WDPCP: variants seen among roughly 807,000 people sequenced by gnomAD.
WDPCP encodes WD repeat-containing and planar cell polarity effector protein fritz homolog.
A neutral mutation model predicts 93.1 loss-of-function variants in WDPCP; 71 were observed. That is an observed-to-expected ratio of 0.76 (90% CI 0.63 to 0.93). The LOEUF is 0.93. Ranked by LOEUF, WDPCP falls within the 40% of genes least tolerant of loss-of-function variation. The pLI is 0.00. For synonymous variants in WDPCP, 315 were observed against 315.0 expected (o/e 1.00, Z 0.00); for missense variants, 844 against 887.4 (o/e 0.95, Z 0.62).
chr2:63,500,264 G>A (rs184814577), intron 1 of WDPCP, among the ~76,000 whole-genome samples: 1 of 152,298 alleles, frequency 6.6e-6, no homozygotes, highest in Admixed American at 6.5e-5. Flanking sequence ...AAATACAGAA[G>A]AGAGGCCTGG....
intron 14 of WDPCP, among the ~76,000 whole-genome samples, chr2:63,192,834 T>A (rs1675150782): frequency 6.6e-6 from 1 of 152,252 alleles, no homozygotes; most frequent in Non-Finnish European, 1.5e-5. Flanking sequence ...GGAGATATCC[T>A]TTCCAGTCTA....
At chr2:63,378,646 A>C (rs1575274358) in intron 11 of WDPCP, 137 bp from the exon 12 acceptor site, 1 of 1,206,704 alleles carries the variant, frequency 8.3e-7, no homozygotes, top group East Asian at 2.5e-5. Context: ...TAAAATTAAA[A>C]TATGACAGCT....
chr2:63,719,737 A>G (rs1334325023), intron 2 of WDPCP, among the ~76,000 whole-genome samples: 4 of 152,180 alleles, frequency 2.6e-5, no homozygotes, highest in African/African-American at 9.7e-5. Flanking sequence ...AATATTTATA[A>G]AAGTTTATAA....
At chr2:63,514,380 T>C (rs1702423517) in intron 1 of WDPCP, among the ~76,000 whole-genome samples, 1 of 152,190 alleles carries the variant, frequency 6.6e-6, no homozygotes, top group Non-Finnish European at 1.5e-5. Context: ...ATGCCTTTAA[T>C]GTCTTGGTGA....
intron 10 of WDPCP, among the ~76,000 whole-genome samples, chr2:63,386,409 G>A (rs10200107): frequency 0.56 from 84,980 of 151,302 alleles, 24,152 homozygotes; most frequent in Admixed American, 0.63. Context: ...AAGATTTGAA[G>A]ACATACTTCA....
intron 2 of WDPCP, among the ~76,000 whole-genome samples, chr2:63,743,854 C>G (rs1669758957): frequency 6.6e-6 from 1 of 152,086 alleles, no homozygotes; most frequent in Non-Finnish European, 1.5e-5. Flanking sequence ...GCTTATCACT[C>G]TTTGTGACTT....
chr2:63,799,804 T>C (rs1453881070), intron 2 of WDPCP, among the ~76,000 whole-genome samples: 3 of 152,130 alleles, frequency 2.0e-5, no homozygotes, highest in Non-Finnish European at 4.4e-5. Context: ...CAGAGAGTGT[T>C]GGTCAGTAAA....
At chr2:63,653,982 T>C (rs12328126) in intron 2 of WDPCP, among the ~76,000 whole-genome samples, 215 of 150,454 alleles carry the variant, frequency 1.4e-3, no homozygotes, top group Middle Eastern at 7.0e-3. Flanking sequence ...GAAAAATCAG[T>C]TGATAGAAAC....
At chr2:63,620,963 A>G (rs1275251559) in intron 3 of WDPCP, among the ~76,000 whole-genome samples, 2 of 152,214 alleles carry the variant, frequency 1.3e-5, no homozygotes, top group Non-Finnish European at 2.9e-5. Flanking sequence ...ACAGAAAACA[A>G]TAGCATCAAC....
intron 2 of WDPCP, among the ~76,000 whole-genome samples, chr2:63,718,256 C>T (rs868553348): frequency 3.9e-5 from 6 of 152,072 alleles, no homozygotes; most frequent in South Asian, 4.2e-4. Flanking sequence ...GATTTCTTTT[C>T]TTTTGGGTAG....
At chr2:63,278,435 A>C (rs963837714) in intron 13 of WDPCP, among the ~76,000 whole-genome samples, 6 of 95,464 alleles carry the variant, frequency 6.3e-5, no homozygotes, top group Non-Finnish European at 1.2e-4. Flanking sequence ...AATGAAATCG[A>C]TTGAAACAAC....
In WDPCP at chr2:63,378,634, G is replaced by T. The variant is rs546797924; in HGVS notation, c.1625-125C>A. ...TGAAACATGAACTTGTTGCAGGAAA[G>T]ATAAAATTAAAATATGACAGCTGGT... On this transcript the variant is annotated intron_variant, in intron 11 of 17. Transcript: ENST00000272321. 8 of 1,368,924 alleles carry T rather than the reference G, an allele frequency of 5.8e-6. No individual in the cohort carries two copies. The Admixed American group carries it at 7.4e-5, about 13-fold the overall frequency. 84.8% of individuals were successfully genotyped at this position (1,368,924 alleles called of 1,614,324 possible). A position where few individuals can be genotyped will look rare whatever the true frequency, so the allele number is the denominator to read the frequency against.
chr2:63,169,086 T>A (rs1020190625), intron 15 of WDPCP, among the ~76,000 whole-genome samples: 1 of 152,230 alleles, frequency 6.6e-6, no homozygotes, highest in Non-Finnish European at 1.5e-5. Context: ...TTTCTAAAGT[T>A]GTATTACTTC....
At chr2:63,601,062 G>A (rs1709408870) in intron 3 of WDPCP, among the ~76,000 whole-genome samples, 1 of 152,192 alleles carries the variant, frequency 6.6e-6, no homozygotes, top group South Asian at 2.1e-4. Flanking sequence ...GCTCAAGTCT[G>A]AATGAGCAAA....
At chr2:63,189,475 T>C (rs931900916) in intron 14 of WDPCP, among the ~76,000 whole-genome samples, 2 of 152,198 alleles carry the variant, frequency 1.3e-5, no homozygotes, top group Non-Finnish European at 2.9e-5. Context: ...TTACAGGTGA[T>C]TTGTCTCCAT....
chr2:63,521,732 C>T (rs1179959455), intron 1 of WDPCP, among the ~76,000 whole-genome samples: 1 of 152,096 alleles, frequency 6.6e-6, no homozygotes, highest in Non-Finnish European at 1.5e-5. Context: ...ATATACATTT[C>T]TCTCATCTGG....
intron 12 of WDPCP, among the ~76,000 whole-genome samples, chr2:63,374,052 ATTTTT>A (rs55949475): frequency 7.4e-6 from 1 of 135,938 alleles, no homozygotes; most frequent in Admixed American, 7.3e-5. Flanking sequence ...CAAGTTTATG[ATTTTT>A]TTTTTTTTTT....
At chr2:63,427,604 G>A (rs1024119934) in intron 9 of WDPCP, among the ~76,000 whole-genome samples, 3 of 152,046 alleles carry the variant, frequency 2.0e-5, no homozygotes, top group Admixed American at 6.6e-5. Flanking sequence ...AAAATTTCCC[G>A]CAGTAAATGC....
intron 15 of WDPCP, 94 bp downstream of exon 15, chr2:63,174,576 A>G: frequency 6.4e-7 from 1 of 1,552,908 alleles, no homozygotes; most frequent in Non-Finnish European, 8.9e-7. Context: ...TCTCCTTGAC[A>G]TTTTGAAATA....
Sources: gnomAD v4.1 joint callset for allele counts (sites outside exome capture counted in the v4.1 genomes callset) on GRCh38, gnomAD v4.1.1 for gene constraint, MANE v1.5 for transcripts, NCBI Gene and HGNC (gene_info 2026-07-23, HGNC 2026-07-21) for gene names.